Variants in STAB2 observed in about 807,000 individuals in gnomAD.
STAB2 encodes stabilin-2.
In STAB2, 288 loss-of-function variants were observed where a neutral mutation model predicts 338.1. The observed-to-expected ratio is 0.85, with a 90% CI of 0.77 to 0.94. The LOEUF (loss-of-function observed/expected upper bound fraction) is 0.94, where lower values mean the gene tolerates loss of function less well. Among genes scored for constraint, STAB2 ranks in the 40% least tolerant of loss-of-function variants. STAB2 has a pLI of 0.00. For synonymous variants in STAB2, 1,202 were observed against 1,193.3 expected (o/e 1.01, Z -0.15); for missense variants, 3,141 against 3,210.1 (o/e 0.98, Z 0.52).
At position 103,655,295 on chromosome 12, in the gene STAB2, AT is replaced by A; in HGVS notation, c.1597del (p.Ser533LeufsTer3). 1 of 1,613,280 alleles carries A rather than the reference AT, an allele frequency of 6.2e-7. No homozygotes were observed. Among genetic ancestry groups the A allele is most frequent in the Non-Finnish European group, 8.5e-7 (1 of 1,179,794 alleles). ...MLQPRYSKFRSLLEETNLGHA... is the reference protein window; with the variant it reads ...MLQPRYSKFRXLLEETNLGHA... ...TACAACCAAGGTACAGCAAGTTCAG[AT>A]CTTTGTTAGAGGTAAGCACTTTTCA... On this transcript the variant is annotated frameshift_variant, in exon 14 of 69. Transcript: ENST00000388887. LOFTEE classifies it high-confidence loss of function.
intron 41 of STAB2, 23 bp downstream of exon 41, chr12:103,712,466 T>C (rs1566038467): frequency 7.5e-6 from 12 of 1,589,712 alleles, no homozygotes; most frequent in Admixed American, 5.0e-5. Context: ...AGGAATTTGC[T>C]GGGGGGGCTG....
intron 3 of STAB2, among the ~76,000 whole-genome samples, chr12:103,607,810 A>G (rs1272496871): frequency 6.6e-6 from 1 of 152,058 alleles, no homozygotes; most frequent in Non-Finnish European, 1.5e-5. Context: ...GGTTGGTTCT[A>G]AGTCTTTGCT....
intron 57 of STAB2, chr12:103,746,239 A>G: frequency 5.2e-6 from 1 of 193,198 alleles, no homozygotes; most frequent in East Asian, 1.4e-4. Flanking sequence ...TTCTCCTCCA[A>G]TTTAACCATA....
chr12:103,655,174 C>A, intron 13 of STAB2, 77 bp from the exon 14 acceptor site: 1 of 1,369,998 alleles, frequency 7.3e-7, no homozygotes, highest in South Asian at 1.3e-5. Flanking sequence ...TGTCATCAGT[C>A]TTTAAATGTT....
At chr12:103,742,763 T>A (rs1301758580) in intron 56 of STAB2, among the ~76,000 whole-genome samples, 1 of 152,202 alleles carries the variant, frequency 6.6e-6, no homozygotes, top group African/African-American at 2.4e-5. Flanking sequence ...GTGAAACTTG[T>A]CCCCAGCAGC....
chr12:103,761,234 C>T, intron 65 of STAB2, 66 bp from the exon 66 acceptor site: 1 of 1,482,266 alleles, frequency 6.7e-7, no homozygotes, highest in South Asian at 1.1e-5. Context: ...AATTGAACAA[C>T]TTCCCTCCAT....
chr12:103,715,467 T>C (rs1185023615), intron 42 of STAB2, among the ~76,000 whole-genome samples: 1 of 152,212 alleles, frequency 6.6e-6, no homozygotes, highest in East Asian at 1.9e-4. Flanking sequence ...CAAATGATTG[T>C]TTTTAATTCC....
In STAB2 at chr12:103,685,486, G is replaced by C. The variant is rs193258874; in HGVS notation, c.2997+402G>C. ...CGTGTGTGTGTGCGTGCGCGCATGTGTGTGTGTGTGTACACACTTCTTTAT... is the reference window on the plus strand; with the variant it reads ...CGTGTGTGTGTGCGTGCGCGCATGTCTGTGTGTGTGTACACACTTCTTTAT... On this transcript the variant is annotated intron_variant, in intron 27 of 68. Transcript: ENST00000388887. Among the ~76,000 whole-genome samples, 152 of 152,168 alleles carry C rather than the reference G, an allele frequency of 1.0e-3. 1 individual carries two copies. Among genetic ancestry groups the C allele is most frequent in the Middle Eastern group, 3.4e-3 (1 of 294 alleles).
intron 27 of STAB2, among the ~76,000 whole-genome samples, chr12:103,687,103 G>A (rs1162205026): frequency 6.6e-6 from 1 of 151,914 alleles, no homozygotes; most frequent in Non-Finnish European, 1.5e-5. Context: ...ATTTGCATAG[G>A]ATCATGATAT....
intron 2 of STAB2, among the ~76,000 whole-genome samples, chr12:103,591,302 T>C (rs1956794663): frequency 6.6e-6 from 1 of 151,930 alleles, no homozygotes; most frequent in East Asian, 1.9e-4. Flanking sequence ...CTGTCCAACA[T>C]GGTGAAAACT....
At chr12:103,688,868 G>A (rs1877669393) in intron 28 of STAB2, among the ~76,000 whole-genome samples, 1 of 152,174 alleles carries the variant, frequency 6.6e-6, no homozygotes, top group Admixed American at 6.5e-5. Context: ...GCTGAACCCT[G>A]TTCACACTCA....
intron 68 of STAB2, among the ~76,000 whole-genome samples, chr12:103,764,725 C>G (rs1884790057): frequency 6.6e-6 from 1 of 152,000 alleles, no homozygotes; most frequent in Non-Finnish European, 1.5e-5. Context: ...AATATAAATG[C>G]AATAGACTGA....
intron 58 of STAB2, among the ~76,000 whole-genome samples, chr12:103,747,266 A>G (rs777155331): frequency 2.6e-5 from 4 of 152,196 alleles, no homozygotes; most frequent in Non-Finnish European, 5.9e-5. Flanking sequence ...ATATCCCTCT[A>G]TAGTAGTTAG....
chr12:103,717,454 CCAAT>C (rs919176548), intron 43 of STAB2, among the ~76,000 whole-genome samples: 33 of 152,012 alleles, frequency 2.2e-4, no homozygotes, highest in African/African-American at 7.7e-4. Context: ...CTGACCTTTA[CCAAT>C]CAAAGAAAAG....
At chr12:103,739,527 C>G (rs1005518155) in intron 54 of STAB2, 59 bp downstream of exon 54, 144 of 674,334 alleles carry the variant, frequency 2.1e-4, no homozygotes, top group Middle Eastern at 1.5e-3. Context: ...ATTATCAGAC[C>G]TGTGTGTGTG....
intron 64 of STAB2, 141 bp from the exon 65 acceptor site, chr12:103,758,992 A>C (rs1239289377): frequency 9.9e-6 from 14 of 1,414,790 alleles, no homozygotes; most frequent in Non-Finnish European, 1.4e-5. Flanking sequence ...GCCTAAGAAA[A>C]CCTTGACATT....
chr12:103,725,642 ATG>A (rs1881136068), intron 45 of STAB2, among the ~76,000 whole-genome samples: 1 of 151,838 alleles, frequency 6.6e-6, no homozygotes, highest in African/African-American at 2.4e-5. Flanking sequence ...GCATATGTGC[ATG>A]TGTGTATGCA....
At chr12:103,764,173 G>C (rs547882853) in intron 68 of STAB2, among the ~76,000 whole-genome samples, 23 of 152,146 alleles carry the variant, frequency 1.5e-4, no homozygotes, top group Admixed American at 2.0e-4. Context: ...GGCTGGTCTC[G>C]AACTCCCAAC....
At chr12:103,686,746 G>A (rs942504480) in intron 27 of STAB2, among the ~76,000 whole-genome samples, 7 of 152,140 alleles carry the variant, frequency 4.6e-5, no homozygotes, top group African/African-American at 1.7e-4. Flanking sequence ...ACATACCTCG[G>A]CCTCTGAAAG....
Sources: gnomAD v4.1 joint callset for allele counts (sites outside exome capture counted in the v4.1 genomes callset) on GRCh38, gnomAD v4.1.1 for gene constraint, MANE v1.5 for transcripts, NCBI Gene and HGNC (gene_info 2026-07-23, HGNC 2026-07-21) for gene names.